MEI1: variants seen among roughly 807,000 people sequenced by gnomAD.
MEI1 encodes the protein meiotic double-stranded break formation protein 1.
MEI1 carries 103 observed loss-of-function variants against 146.2 expected under a neutral mutation model. The ratio of observed to expected loss-of-function variants is 0.70; its 90% CI spans 0.60 to 0.83. MEI1 has a LOEUF of 0.83. MEI1 is among the 40% of genes least tolerant of loss of function. MEI1 has a pLI of 0.00. For missense variants in MEI1, 1,529 were observed against 1,533.0 expected (o/e 1.00, Z 0.04); for synonymous variants, 652 against 628.2 (o/e 1.04, Z -0.57).
intron 7 of MEI1, among the ~76,000 whole-genome samples, chr22:41,725,189 A>G (rs2071216551): frequency 6.6e-6 from 1 of 151,230 alleles, no homozygotes; most frequent in African/African-American, 2.4e-5. Flanking sequence ...TTGGCTCACT[A>G]CAACCTCCGC....
At chr22:41,702,765 C>CT (rs908078185) in intron 1 of MEI1, among the ~76,000 whole-genome samples, 74 of 148,338 alleles carry the variant, frequency 5.0e-4, no homozygotes, top group Admixed American at 1.3e-3. Flanking sequence ...CTTTTCTTTT[C>CT]TTTTTTTTTT....
intron 19 of MEI1, among the ~76,000 whole-genome samples, chr22:41,764,733 A>G (rs1007108427): frequency 6.6e-6 from 1 of 152,194 alleles, no homozygotes; most frequent in African/African-American, 2.4e-5. Flanking sequence ...CAATAGCCTA[A>G]TTAACAATGA....
chr22:41,796,251 G>T (rs1244622819), intron 30 of MEI1, among the ~76,000 whole-genome samples: 1 of 151,900 alleles, frequency 6.6e-6, no homozygotes, highest in Non-Finnish European at 1.5e-5. Context: ...GCAGTGGCAC[G>T]ATCTTGGCTC....
In MEI1 at chr22:41,795,311, G is replaced by A. The variant is rs1488004825; in HGVS notation, c.3535-100G>A. 1.1e-5 allele frequency: 16 copies of A among 1,497,100 alleles called. No individual in the cohort carries two copies. In the Admixed American group the frequency reaches 3.0e-4, roughly 28 times the overall value. The allele number at this position is 1,497,100 out of a possible 1,614,324, so 92.7% of individuals were successfully genotyped here. A position where few individuals can be genotyped will look rare whatever the true frequency, so the allele number is the denominator to read the frequency against. ...CCTTGAAGGCAGGCAGGTTCTGTGG[G>A]CTTCAGGACAGTGTCTCCTAAAGTT... On this transcript the variant is annotated intron_variant, in intron 28 of 30. Coordinates refer to ENST00000401548, the MANE Select transcript of MEI1 (RefSeq NM_152513.4). This position sits in a 1 kb window ranked among gnomAD's most constrained non-coding sequence, Gnocchi z 4.2.
intron 22 of MEI1, among the ~76,000 whole-genome samples, chr22:41,780,991 A>T (rs896347826): frequency 6.6e-6 from 1 of 152,172 alleles, no homozygotes. Context: ...TCGACTGTTA[A>T]AGTTCCCTTG....
intron 7 of MEI1, among the ~76,000 whole-genome samples, chr22:41,728,407 C>T (rs1251463925): frequency 1.3e-5 from 2 of 152,192 alleles, no homozygotes; most frequent in Non-Finnish European, 2.9e-5. Flanking sequence ...GTAGAACCTT[C>T]CCTTGTTATG....
intron 18 of MEI1, 81 bp from the exon 19 acceptor site, chr22:41,763,093 A>G (rs2074606162): frequency 2.0e-6 from 3 of 1,509,258 alleles, no homozygotes; most frequent in Non-Finnish European, 2.7e-6. Flanking sequence ...TGGGCTGAGG[A>G]AGGATGCGGC....
intron 2 of MEI1, 43 bp downstream of exon 2, chr22:41,703,497 G>T (rs200019933): frequency 2.8e-5 from 42 of 1,496,398 alleles, no homozygotes; most frequent in Non-Finnish European, 3.6e-5. Context: ...TGAATGTATA[G>T]TATGTATATC....
intron 19 of MEI1, among the ~76,000 whole-genome samples, chr22:41,767,765 C>T (rs899143077): frequency 5.9e-5 from 9 of 152,252 alleles, no homozygotes; most frequent in Admixed American, 5.2e-4. Context: ...CCTCAGAGAA[C>T]ACAAGTTTGT....
rs115874854 is a variant in MEI1 at position 41,729,206 on chromosome 22, G to T, written c.865-459G>T. On this transcript the variant is annotated intron_variant, in intron 7 of 30. Transcript: ENST00000401548. ...AAAGGTACCAGGCATGGTAGCATGT[G>T]CCTGTAGTCCCCGCTACTCAGGAGG... Among the ~76,000 whole-genome samples the T allele has an allele frequency of 3.4e-3, 492 of 145,660 alleles. 3 individuals carry two copies. The highest frequency in any genetic ancestry group is 0.012 in the African/African-American group (465 of 39,172).
At chr22:41,723,819 T>G in intron 6 of MEI1, 124 bp from the exon 7 acceptor site, 2 of 1,247,762 alleles carry the variant, frequency 1.6e-6, no homozygotes, top group Non-Finnish European at 2.2e-6. Flanking sequence ...TTAAGGATTC[T>G]AACCATTCTT....
chr22:41,752,920 G>A (rs1374004564), intron 16 of MEI1, among the ~76,000 whole-genome samples: 5 of 152,180 alleles, frequency 3.3e-5, no homozygotes, highest in Middle Eastern at 3.4e-3. Context: ...GTGGCTCATG[G>A]CTGTAATCCC....
chr22:41,699,742 C>T (rs2068547480), intron 1 of MEI1, 30 bp downstream of exon 1: 1 of 1,530,018 alleles, frequency 6.5e-7, no homozygotes, highest in South Asian at 1.2e-5. Context: ...TTCAGAAGAC[C>T]TGGGTTTGGC....
chr22:41,774,428 A>T (rs6519289), intron 20 of MEI1: 1 of 152,138 alleles, frequency 6.6e-6, no homozygotes, highest in Non-Finnish European at 1.5e-5. Flanking sequence ...TGACTCTGGG[A>T]TCTATGACCT....
chr22:41,736,462 C>T (rs1343624378), intron 11 of MEI1, among the ~76,000 whole-genome samples: 2 of 152,014 alleles, frequency 1.3e-5, no homozygotes, highest in African/African-American at 4.8e-5. Context: ...ACCGTGTTAG[C>T]CAGGATGGTC....
At position 41,784,662 on chromosome 22, in the gene MEI1, T is replaced by C; in HGVS notation, c.3224T>C (p.Leu1075Pro). ...TALRQSFSSA[L>P]VALVPSGAQP... ...CTGCGACAAAGCTTTTCCTCTGCCC[T>C]GGTAGCCCTGGTGCCCTCAGGGGCC... The change falls in exon 26 of 31, where the codon CTG (leucine) becomes CCG (proline). Residue 1075 changes from leucine (L) to proline (P), a missense_variant. Leu to Pro is a moderately conservative substitution (Grantham distance 98). Around this residue, in one of 3 missense-constraint regions of MEI1, gnomAD observed 313 missense variants for 337.3 expected, o/e 0.93. Transcript: ENST00000401548. 1 of 1,613,776 alleles carries C rather than the reference T, an allele frequency of 6.2e-7. No individual in the cohort carries two copies. The highest frequency in any genetic ancestry group is 2.2e-5 in the East Asian group (1 of 44,870).
chr22:41,789,712 C>G (rs1291733986), intron 26 of MEI1, among the ~76,000 whole-genome samples: 1 of 152,152 alleles, frequency 6.6e-6, no homozygotes, highest in Non-Finnish European at 1.5e-5. Context: ...GTAGGGACCT[C>G]ATGTAAGTGG....
intron 26 of MEI1, among the ~76,000 whole-genome samples, chr22:41,791,903 G>T (rs2076196255): frequency 6.6e-6 from 1 of 152,204 alleles, no homozygotes; most frequent in African/African-American, 2.4e-5. Context: ...CACATATTAT[G>T]ATTCTGCTTA....
chr22:41,715,397 ATTT>A (rs751733110), intron 4 of MEI1, among the ~76,000 whole-genome samples: 2 of 142,714 alleles, frequency 1.4e-5, no homozygotes, highest in African/African-American at 2.6e-5. Flanking sequence ...GATAACAATA[ATTT>A]TTTTTTTTTT....
Sources: gnomAD v4.1 joint callset for allele counts (sites outside exome capture counted in the v4.1 genomes callset) on GRCh38, gnomAD v4.1.1 for gene constraint, gnomAD v4.1.1 regional missense constraint, Gnocchi (gnomAD v3.1) non-coding constraint, MANE v1.5 for transcripts, NCBI Gene and HGNC (gene_info 2026-07-23, HGNC 2026-07-21) for gene names.